The following HCN1 variants were observed in gnomAD, a reference collection of about 807,000 sequenced individuals.
The protein encoded by HCN1 is potassium/sodium hyperpolarization-activated cyclic nucleotide-gated channel 1.
In HCN1, 13 loss-of-function variants were observed where a neutral mutation model predicts 78.9. The observed-to-expected ratio is 0.16, with a 90% CI of 0.11 to 0.26. HCN1 has a LOEUF of 0.26. Among genes scored for constraint, HCN1 ranks in the 10% least tolerant of loss-of-function variants. The probability of loss-of-function intolerance (pLI) is 1.00; values close to 1 mark genes in which losing one functional copy is unlikely to be tolerated. For missense variants in HCN1, 810 were observed against 1,154.3 expected (o/e 0.70, Z 4.32); for synonymous variants, 552 against 455.5 (o/e 1.21, Z -2.70).
At position 45,513,010 on chromosome 5, in the gene HCN1, T is replaced by C. The variant is rs74776161; in HGVS notation, c.850-51003A>G. Among the ~76,000 whole-genome samples the C allele has an allele frequency of 2.9e-3, 439 of 152,266 alleles. 11 individuals are homozygous for C. In the East Asian group the frequency reaches 0.07, roughly 24 times the overall value. ...AAAGTACATCTCCATATTTTAATAA[T>C]GTACAGTTCTGGTGAAATATGGAGA... On this transcript the variant is annotated intron_variant, in intron 2 of 7. Transcript: ENST00000303230.
Position 45,694,058 on chromosome 5 carries a change from A to G in HCN1, c.425+1611T>C, listed in dbSNP as rs1187955021. ...TTGATTCCCACCTTTAAAATTCTAA[A>G]GAACATGACAACCTTATACATCTTA... On this transcript the variant is annotated intron_variant, in intron 1 of 7. Transcript: ENST00000303230. Among the ~76,000 whole-genome samples, 4 of 152,244 alleles carry G rather than the reference A, an allele frequency of 2.6e-5. No homozygotes were observed. In the East Asian group the frequency reaches 7.7e-4, roughly 29 times the overall value.
Position 45,260,996 on chromosome 5 carries a change from C to A in HCN1, c.*925G>T, listed in dbSNP as rs559025160. ...GTGTAATACAAGCAATTTGTAGATT[C>A]GAGCATACAATTTTGCATAAAACAT... On this transcript the variant is annotated 3_prime_UTR_variant, in exon 8 of 8. Transcript: ENST00000303230. 2 of 152,396 alleles carry A rather than the reference C, an allele frequency of 1.3e-5. No homozygotes were observed. Among genetic ancestry groups the A allele is most frequent in the African/African-American group, 4.8e-5 (2 of 41,352 alleles). The allele number at this position is 152,396 out of a possible 1,614,324, so 9.4% of individuals were successfully genotyped here. A position where few individuals can be genotyped will look rare whatever the true frequency, so the allele number is the denominator to read the frequency against.
chr5:45,583,900 G>C (rs1454588723), intron 2 of HCN1, among the ~76,000 whole-genome samples: 1 of 152,132 alleles, frequency 6.6e-6, no homozygotes, highest in African/African-American at 2.4e-5. Flanking sequence ...GAAACAGTTT[G>C]TTATAATTTC....
At chr5:45,367,907 C>T (rs538351584) in intron 4 of HCN1, among the ~76,000 whole-genome samples, 2 of 151,760 alleles carry the variant, frequency 1.3e-5, no homozygotes, top group Non-Finnish European at 2.9e-5. Context: ...GAGGGTGAGT[C>T]AAGATAAATG....
chr5:45,490,857 C>G (rs548793495), intron 2 of HCN1, among the ~76,000 whole-genome samples: 1 of 151,932 alleles, frequency 6.6e-6, no homozygotes, highest in Non-Finnish European at 1.5e-5. Context: ...TCCTAAGTAC[C>G]CTTGACCTTT....
chr5:45,504,154 G>C (rs1369976562), intron 2 of HCN1, among the ~76,000 whole-genome samples: 3 of 151,956 alleles, frequency 2.0e-5, no homozygotes, highest in African/African-American at 7.2e-5. Context: ...ACAATGTGCA[G>C]GTTTGTTACA....
chr5:45,318,772 A>AT (rs1746059713), intron 5 of HCN1, among the ~76,000 whole-genome samples: 2 of 151,918 alleles, frequency 1.3e-5, no homozygotes, highest in Admixed American at 6.6e-5. Flanking sequence ...ATTTTAAGTC[A>AT]TTTTTTAAAA....
intron 6 of HCN1, 37 bp downstream of exon 6, chr5:45,303,562 G>A: frequency 6.2e-7 from 1 of 1,607,280 alleles, no homozygotes; most frequent in South Asian, 1.1e-5. Flanking sequence ...ATCTCAAGCA[G>A]TTTAGATTTC....
chr5:45,299,554 C>T (rs1217181338), intron 6 of HCN1, among the ~76,000 whole-genome samples: 1 of 151,734 alleles, frequency 6.6e-6, no homozygotes, highest in African/African-American at 2.4e-5. Flanking sequence ...GCATTGGCAT[C>T]AAATTTTTTT....
chr5:45,310,076 T>C (rs1444296394), intron 5 of HCN1, among the ~76,000 whole-genome samples: 6 of 152,050 alleles, frequency 3.9e-5, no homozygotes, highest in East Asian at 3.9e-4. Flanking sequence ...CCCTGGAAGA[T>C]AACCAATACC....
intron 6 of HCN1, among the ~76,000 whole-genome samples, chr5:45,281,296 G>A (rs1201978747): frequency 6.6e-6 from 1 of 151,842 alleles, no homozygotes; most frequent in Non-Finnish European, 1.5e-5. Context: ...GTTTAAACGT[G>A]TGTATTACTT....
At chr5:45,357,829 G>A (rs1026380358) in intron 4 of HCN1, among the ~76,000 whole-genome samples, 4 of 151,954 alleles carry the variant, frequency 2.6e-5, no homozygotes, top group Admixed American at 6.6e-5. Flanking sequence ...GAAAGTGTTC[G>A]GGTCATAGGG....
intron 3 of HCN1, among the ~76,000 whole-genome samples, chr5:45,399,960 T>A (rs899915173): frequency 1.3e-5 from 2 of 152,188 alleles, no homozygotes; most frequent in Admixed American, 6.5e-5. Context: ...TGAGCAAATT[T>A]ATACTTTACT....
intron 3 of HCN1, among the ~76,000 whole-genome samples, chr5:45,435,791 CA>C (rs1175784255): frequency 1.3e-5 from 2 of 151,750 alleles, no homozygotes; most frequent in African/African-American, 4.8e-5. Context: ...GCAAATATAC[CA>C]AAAAAAGATA....
At chr5:45,422,596 C>CACTATTATT (rs1183978153) in intron 3 of HCN1, among the ~76,000 whole-genome samples, 1 of 152,132 alleles carries the variant, frequency 6.6e-6, no homozygotes, top group African/African-American at 2.4e-5. Context: ...AACTTTCTAA[C>CACTATTATT]ACTATTATTA....
intron 3 of HCN1, among the ~76,000 whole-genome samples, chr5:45,446,379 G>A (rs946386545): frequency 6.6e-6 from 1 of 152,174 alleles, no homozygotes; most frequent in South Asian, 2.1e-4. Flanking sequence ...AAGAAATATG[G>A]GACTATGTGA....
At chr5:45,311,281 C>T (rs985750857) in intron 5 of HCN1, among the ~76,000 whole-genome samples, 2 of 151,940 alleles carry the variant, frequency 1.3e-5, no homozygotes, top group East Asian at 3.9e-4. Context: ...ATTCTCTCTC[C>T]AAGGAATATT....
At chr5:45,607,131 A>T (rs1039697063) in intron 2 of HCN1, among the ~76,000 whole-genome samples, 1 of 152,052 alleles carries the variant, frequency 6.6e-6, no homozygotes, top group South Asian at 2.1e-4. Context: ...TTGGAAAATA[A>T]TATACATCAT....
chr5:45,425,709 GA>G (rs1432717744), intron 3 of HCN1, among the ~76,000 whole-genome samples: 1 of 152,162 alleles, frequency 6.6e-6, no homozygotes, highest in Non-Finnish European at 1.5e-5. Flanking sequence ...AAATGAATTA[GA>G]GATTTAGAAA....
Sources: allele counts gnomAD v4.1 joint callset (sites outside exome capture counted in the v4.1 genomes callset), GRCh38; gene constraint gnomAD v4.1.1; transcripts MANE v1.5; gene names NCBI Gene and HGNC (gene_info 2026-07-23, HGNC 2026-07-21).